Variants in KIZ observed in about 807,000 individuals in gnomAD.
The protein encoded by KIZ is kizuna centrosomal protein.
KIZ carries 68 observed loss-of-function variants against 79.6 expected under a neutral mutation model. The observed-to-expected ratio is 0.85, with a 90% CI of 0.70 to 1.05. The LOEUF (loss-of-function observed/expected upper bound fraction) is 1.05. KIZ is among the 50% of genes least tolerant of loss of function. The pLI, the probability that KIZ is intolerant of heterozygous loss-of-function variation, is 0.00. For synonymous variants in KIZ, 280 were observed against 281.8 expected, an observed-to-expected ratio of 0.99 and a Z score of 0.06; for missense variants, 797 against 800.4, an observed-to-expected ratio of 1.00 and a Z score of 0.05.
intron 8 of KIZ, 142 bp downstream of exon 8, chr20:21,214,842 A>G: frequency 2.1e-6 from 1 of 480,498 alleles, no homozygotes; most frequent in South Asian, 5.0e-5. Flanking sequence ...GTTTTATACC[A>G]CCTTCCAATA....
chr20:21,150,536 A>G (rs1414834493), intron 4 of KIZ, among the ~76,000 whole-genome samples: 1 of 152,252 alleles, frequency 6.6e-6, no homozygotes, highest in African/African-American at 2.4e-5. Context: ...AGACAGAGCC[A>G]TGACAAGTCA....
At chr20:21,216,527 G>A (rs967581783) in intron 9 of KIZ, among the ~76,000 whole-genome samples, 1 of 152,134 alleles carries the variant, frequency 6.6e-6, no homozygotes, top group Non-Finnish European at 1.5e-5. Flanking sequence ...TTATGGTAGA[G>A]CAGTTATTGT....
intron 9 of KIZ, among the ~76,000 whole-genome samples, chr20:21,227,085 A>C (rs1184054469): frequency 6.6e-6 from 1 of 152,244 alleles, no homozygotes; most frequent in African/African-American, 2.4e-5. Flanking sequence ...TGTTGCTAGA[A>C]GTGATCTCAC....
intron 6 of KIZ, chr20:21,166,593 C>T: frequency 7.7e-7 from 1 of 1,305,686 alleles, no homozygotes; most frequent in Non-Finnish European, 1.1e-6. Flanking sequence ...TTCATGCGCA[C>T]CATTGTGGCG....
chr20:21,173,017 G>A (rs1232159839), intron 6 of KIZ, among the ~76,000 whole-genome samples: 4 of 152,164 alleles, frequency 2.6e-5, no homozygotes, highest in East Asian at 1.9e-4. Context: ...TTGGGGAGAC[G>A]GGAGAAGCTG....
intron 2 of KIZ, among the ~76,000 whole-genome samples, chr20:21,135,681 G>A (rs58526760): frequency 0.017 from 2,644 of 152,266 alleles, 81 homozygotes; most frequent in African/African-American, 0.06. Context: ...AGAAGAGTTA[G>A]GATTAACAGC....
intron 6 of KIZ, among the ~76,000 whole-genome samples, chr20:21,184,177 C>G (rs1015349977): frequency 2.0e-5 from 3 of 146,584 alleles, no homozygotes; most frequent in Admixed American, 6.9e-5. Flanking sequence ...GTCAGAGTCT[C>G]GCTGTTGTTG....
intron 9 of KIZ, among the ~76,000 whole-genome samples, chr20:21,220,073 T>C (rs979237152): frequency 9.9e-5 from 15 of 151,292 alleles, no homozygotes; most frequent in Non-Finnish European, 1.3e-4. Context: ...AAATGTATGG[T>C]TTTCTGTATA....
chr20:21,235,739 G>C (rs912011310), intron 11 of KIZ, among the ~76,000 whole-genome samples: 2 of 152,104 alleles, frequency 1.3e-5, no homozygotes, highest in Non-Finnish European at 2.9e-5. Context: ...CAACATAATT[G>C]CCTGGGGGAA....
intron 7 of KIZ, among the ~76,000 whole-genome samples, chr20:21,206,489 A>G (rs535322193): frequency 5.3e-5 from 8 of 152,204 alleles, no homozygotes; most frequent in African/African-American, 1.9e-4. Context: ...GGCAGAGGTG[A>G]CAAGAAATGG....
At chr20:21,234,168 A>G (rs2036922233) in intron 11 of KIZ, among the ~76,000 whole-genome samples, 1 of 152,228 alleles carries the variant, frequency 6.6e-6, no homozygotes, top group Non-Finnish European at 1.5e-5. Context: ...TGAGAAAGCA[A>G]TTGGATTTTG....
chr20:21,142,361 A>AC (rs2032602130), intron 3 of KIZ, among the ~76,000 whole-genome samples: 1 of 152,002 alleles, frequency 6.6e-6, no homozygotes, highest in Non-Finnish European at 1.5e-5. Context: ...TCAGTATCTG[A>AC]CCCATAATAT....
Position 21,246,573 on chromosome 20 carries a change from CT to C in KIZ, c.2020del (p.Ter674AsnfsTer4). On this transcript the variant is annotated frameshift_variant and stop_lost, in exon 13 of 13. Transcript: ENST00000619189. LOFTEE classifies it high-confidence loss of function. Reference sequence around the variant, plus strand: ...CCGATGATTCTGATGATTTTTATGACTAACGTGCTGTGACATTGGTTTCAAA... The same window carrying C: ...CCGATGATTCTGATGATTTTTATGACAACGTGCTGTGACATTGGTTTCAAA... Reference protein sequence around the residue: ...NTDDSDDFYD* With the variant: ...NTDDSDDFYDX 6.3e-7 allele frequency: 1 copy of C among 1,584,040 alleles called. No individual in the cohort carries two copies. Among genetic ancestry groups the C allele is most frequent in the Non-Finnish European group, 8.7e-7 (1 of 1,154,200 alleles).
chr20:21,157,512 CT>C (rs2033441405), intron 4 of KIZ, among the ~76,000 whole-genome samples: 2 of 152,174 alleles, frequency 1.3e-5, no homozygotes, highest in African/African-American at 4.8e-5. Flanking sequence ...ACAGTGTTGT[CT>C]CTTGAATTGG....
intron 6 of KIZ, among the ~76,000 whole-genome samples, chr20:21,174,480 G>C (rs2034351673): frequency 6.6e-6 from 1 of 151,924 alleles, no homozygotes; most frequent in Non-Finnish European, 1.5e-5. Context: ...GGTTAAATAG[G>C]AAGCTCAAAA....
intron 4 of KIZ, among the ~76,000 whole-genome samples, chr20:21,161,202 T>C (rs1287958883): frequency 6.6e-6 from 1 of 152,244 alleles, no homozygotes; most frequent in East Asian, 1.9e-4. Flanking sequence ...TATGTAGTTA[T>C]ATGACTTCTT....
intron 9 of KIZ, among the ~76,000 whole-genome samples, chr20:21,223,221 C>T (rs7267723): frequency 0.022 from 3,283 of 152,316 alleles, 107 homozygotes; most frequent in African/African-American, 0.07. Flanking sequence ...AAATCCACCT[C>T]TCACGACTGA....
chr20:21,221,275 G>A (rs896637396), intron 9 of KIZ, among the ~76,000 whole-genome samples: 3 of 152,208 alleles, frequency 2.0e-5, no homozygotes, highest in East Asian at 3.8e-4. Context: ...TATGCTAAAT[G>A]TCATAAAAAT....
intron 9 of KIZ, among the ~76,000 whole-genome samples, chr20:21,222,192 G>A (rs1391965862): frequency 6.6e-6 from 1 of 152,212 alleles, no homozygotes; most frequent in African/African-American, 2.4e-5. Flanking sequence ...AGGATAAAAG[G>A]TACTTTTCTG....
Sources: gnomAD v4.1 joint callset for allele counts (sites outside exome capture counted in the v4.1 genomes callset) on GRCh38, gnomAD v4.1.1 for gene constraint, MANE v1.5 for transcripts, NCBI Gene and HGNC (gene_info 2026-07-23, HGNC 2026-07-21) for gene names.